Variants in GRHL2 observed in about 807,000 individuals in gnomAD.
The protein encoded by GRHL2 is grainyhead like transcription factor 2.
Under a neutral mutation model 83.8 loss-of-function variants are expected in GRHL2, and 21 were observed. The ratio of observed to expected loss-of-function variants is 0.25; its 90% CI spans 0.18 to 0.36. GRHL2 has a LOEUF of 0.36. GRHL2 is among the 10% of genes least tolerant of loss of function. The pLI is 1.00. For synonymous variants in GRHL2, 280 were observed against 278.9 expected, an observed-to-expected ratio of 1.00 and a Z score of -0.04; for missense variants, 623 against 781.8, an observed-to-expected ratio of 0.80 and a Z score of 2.42.
chr8:101,523,333 T>C (rs1388548465), intron 1 of GRHL2, among the ~76,000 whole-genome samples: 1 of 152,068 alleles, frequency 6.6e-6, no homozygotes, highest in East Asian at 1.9e-4. Flanking sequence ...AAGATGACTG[T>C]GACCATGCTT....
chr8:101,672,141 G>A (rs1440883299), downstream of GRHL2, among the ~76,000 whole-genome samples: 1 of 151,726 alleles, frequency 6.6e-6, no homozygotes, highest in East Asian at 1.9e-4. Flanking sequence ...CTAAAAAGCA[G>A]AGCACCTCTC....
At chr8:101,618,769 T>G (rs1457871243) in intron 8 of GRHL2, among the ~76,000 whole-genome samples, 1 of 151,908 alleles carries the variant, frequency 6.6e-6, no homozygotes, top group Non-Finnish European at 1.5e-5. Context: ...TTCATAATCA[T>G]GGAACAAAGA....
At chr8:101,597,635 A>C (rs1812418033) in intron 7 of GRHL2, among the ~76,000 whole-genome samples, 1 of 148,252 alleles carries the variant, frequency 6.7e-6, no homozygotes, top group Non-Finnish European at 1.5e-5. Context: ...AACAATGAGA[A>C]CACATGGACT....
chr8:101,532,633 C>T (rs1314190768), intron 1 of GRHL2, among the ~76,000 whole-genome samples: 1 of 151,842 alleles, frequency 6.6e-6, no homozygotes. Context: ...ACCTGCAATC[C>T]CAGCTACTCG....
At chr8:101,620,554 G>A (rs566605067) in intron 9 of GRHL2, among the ~76,000 whole-genome samples, 1 of 152,248 alleles carries the variant, frequency 6.6e-6, no homozygotes, top group East Asian at 1.9e-4. Context: ...CACCCCAAAA[G>A]AGTTGAAAAA....
intron 13 of GRHL2, among the ~76,000 whole-genome samples, chr8:101,646,130 G>A (rs2129678522): frequency 6.6e-6 from 1 of 152,264 alleles, no homozygotes; most frequent in Non-Finnish European, 1.5e-5. Context: ...GCCTTCCAAA[G>A]TGCTGGGATT....
At chr8:101,526,327 T>C (rs1304861039) in intron 1 of GRHL2, among the ~76,000 whole-genome samples, 1 of 152,200 alleles carries the variant, frequency 6.6e-6, no homozygotes, top group Non-Finnish European at 1.5e-5. Flanking sequence ...GAATAGAACT[T>C]ATATTGTGTG....
chr8:101,522,756 C>T (rs55782649), intron 1 of GRHL2, among the ~76,000 whole-genome samples: 2 of 111,536 alleles, frequency 1.8e-5, no homozygotes, highest in Admixed American at 8.0e-5. Context: ...TATATACACA[C>T]ACATATACAT....
At chr8:101,566,706 C>T (rs185320563) in intron 4 of GRHL2, among the ~76,000 whole-genome samples, 1 of 151,410 alleles carries the variant, frequency 6.6e-6, no homozygotes, top group African/African-American at 2.4e-5. Flanking sequence ...CAACCTTATC[C>T]ATGTTTCTCT....
At chr8:101,593,413 G>A (rs118070630) in intron 7 of GRHL2, among the ~76,000 whole-genome samples, 6,854 of 152,122 alleles carry the variant, frequency 0.045, 212 homozygotes, top group South Asian at 0.07. Flanking sequence ...ATGTTGCCTT[G>A]TCACTTTTTT....
intron 9 of GRHL2, among the ~76,000 whole-genome samples, chr8:101,629,872 T>C (rs1043208601): frequency 2.0e-5 from 3 of 152,142 alleles, no homozygotes; most frequent in Non-Finnish European, 2.9e-5. Flanking sequence ...ATAAAACCTT[T>C]ATATATCATG....
At chr8:101,534,229 G>T (rs923231008) in intron 1 of GRHL2, among the ~76,000 whole-genome samples, 3 of 152,080 alleles carry the variant, frequency 2.0e-5, no homozygotes, top group African/African-American at 7.2e-5. Context: ...TGAGGTTCCG[G>T]CTCAGGGTTT....
intron 14 of GRHL2, among the ~76,000 whole-genome samples, chr8:101,656,089 C>T (rs1440366443): frequency 2.0e-5 from 3 of 152,214 alleles, no homozygotes; most frequent in Admixed American, 2.0e-4. Flanking sequence ...ATAGCATCTT[C>T]ATCGCTCTCT....
chr8:101,551,993 GC>G (rs1586086829), intron 2 of GRHL2, among the ~76,000 whole-genome samples: 1 of 151,664 alleles, frequency 6.6e-6, no homozygotes, highest in East Asian at 2.0e-4. Context: ...CTGCCACCAC[GC>G]CCAGCTAATT....
chr8:101,617,606 G>A (rs908098510), intron 8 of GRHL2, among the ~76,000 whole-genome samples: 3 of 152,176 alleles, frequency 2.0e-5, no homozygotes, highest in Non-Finnish European at 4.4e-5. Context: ...CTGGGCTCAA[G>A]CAATCCTCCC....
intron 1 of GRHL2, among the ~76,000 whole-genome samples, chr8:101,535,242 G>C (rs922282596): frequency 6.6e-6 from 1 of 152,186 alleles, no homozygotes; most frequent in Non-Finnish European, 1.5e-5. Context: ...AGATGTAAGA[G>C]CCTAAGGCCA....
chr8:101,593,862 C>T (rs973007019), intron 7 of GRHL2, among the ~76,000 whole-genome samples: 7 of 151,336 alleles, frequency 4.6e-5, no homozygotes, highest in African/African-American at 1.7e-4. Flanking sequence ...GGTCAGGAGT[C>T]CAAGACCAGC....
intron 8 of GRHL2, among the ~76,000 whole-genome samples, chr8:101,616,163 CCTTT>C (rs1282771889): frequency 7.0e-6 from 1 of 143,622 alleles, no homozygotes; most frequent in East Asian, 2.2e-4. Flanking sequence ...CTTCTTCCTT[CCTTT>C]CTCTCTCTCT....
rs1158196831 is a variant in GRHL2 at position 101,558,726 on chromosome 8, G to A, written c.592G>A (p.Ala198Thr). The change falls in exon 4 of 16, where the codon GCC (alanine) becomes ACC (threonine). Residue 198 changes from alanine (A) to threonine (T), a missense_variant. Physicochemically the swap from Ala to Thr is moderately conservative, Grantham distance 58 (BLOSUM62 0). Coordinates refer to ENST00000646743, the MANE Select transcript of GRHL2 (RefSeq NM_024915.4). ...EQTQYDVPSL[A>T]THSAYLKDDQ... ...GACTCAGTATGACGTGCCCTCGCTGGCCACCCACAGCGCCTATCTCAAAGA... is the reference window on the plus strand; with the variant it reads ...GACTCAGTATGACGTGCCCTCGCTGACCACCCACAGCGCCTATCTCAAAGA... 3 of 1,614,100 alleles carry A rather than the reference G, an allele frequency of 1.9e-6. No homozygotes were observed. Among genetic ancestry groups the A allele is most frequent in the Non-Finnish European group, 2.5e-6 (3 of 1,180,026 alleles).
Sources: allele counts gnomAD v4.1 joint callset (sites outside exome capture counted in the v4.1 genomes callset), GRCh38; gene constraint gnomAD v4.1.1; transcripts MANE v1.5; gene names NCBI Gene and HGNC (gene_info 2026-07-23, HGNC 2026-07-21).